PLXNA2: variants seen among roughly 807,000 people sequenced by gnomAD.
PLXNA2 encodes the protein plexin A2.
PLXNA2 carries 91 observed loss-of-function variants against 193.5 expected under a neutral mutation model. That is an observed-to-expected ratio of 0.47 (90% CI 0.40 to 0.56). The LOEUF is 0.56. Among genes scored for constraint, PLXNA2 ranks in the 20% least tolerant of loss-of-function variants. PLXNA2 has a pLI of 0.00. For synonymous variants in PLXNA2, 997 were observed against 1,027.3 expected (o/e 0.97, Z 0.56); for missense variants, 1,995 against 2,503.2 (o/e 0.80, Z 4.33).
At chr1:208,182,648 C>T (rs1342429252) in intron 3 of PLXNA2, among the ~76,000 whole-genome samples, 1 of 151,778 alleles carries the variant, frequency 6.6e-6, no homozygotes, top group Non-Finnish European at 1.5e-5. Context: ...GCGTATTTGC[C>T]ATCACTCTGC....
intron 12 of PLXNA2, among the ~76,000 whole-genome samples, chr1:208,064,021 A>C (rs142755915): frequency 1.3e-5 from 2 of 152,096 alleles, no homozygotes; most frequent in African/African-American, 4.8e-5. Context: ...CCCACCCCCA[A>C]GCCAATTACC....
intron 10 of PLXNA2, 23 bp downstream of exon 10, chr1:208,084,356 AG>A: frequency 6.2e-7 from 1 of 1,612,266 alleles, no homozygotes. Flanking sequence ...TGCTCCAGGC[AG>A]GGCCCAGCCT....
At chr1:208,060,346 C>T (rs936582010) in intron 13 of PLXNA2, among the ~76,000 whole-genome samples, 3 of 152,194 alleles carry the variant, frequency 2.0e-5, no homozygotes, top group African/African-American at 7.2e-5. Flanking sequence ...GCCCACCATA[C>T]AGGATGCATT....
At chr1:208,037,262 A>G (rs1332141990) in intron 26 of PLXNA2, among the ~76,000 whole-genome samples, 2 of 152,024 alleles carry the variant, frequency 1.3e-5, no homozygotes, top group African/African-American at 2.4e-5. Context: ...ATTACACCAC[A>G]CTCATGTCCT....
chr1:208,105,475 C>T lies in PLXNA2; in HGVS notation c.1507-2228G>A, dbSNP rs111386992. Among the ~76,000 whole-genome samples the T allele has an allele frequency of 1.7e-3, 266 of 152,332 alleles. 3 individuals carry two copies. The highest frequency in any genetic ancestry group is 3.4e-3 in the Middle Eastern group (1 of 294). On this transcript the variant is annotated intron_variant, in intron 4 of 31. Coordinates refer to ENST00000367033, the MANE Select transcript of PLXNA2 (RefSeq NM_025179.4). ...ATTCTGACATTCCAGCCTTCTATTT[C>T]CCACAGTTTCCCTAACTCCTCCTTG...
At chr1:208,227,638 AC>A (rs1671552928) in intron 1 of PLXNA2, among the ~76,000 whole-genome samples, 1 of 152,144 alleles carries the variant, frequency 6.6e-6, no homozygotes, top group African/African-American at 2.4e-5. Context: ...TATTTTGGTA[AC>A]CAGGCAGTGC....
rs777668638 is a variant in PLXNA2 at position 208,043,208 on chromosome 1, G to A, written c.3875-5C>T. On this transcript the variant is annotated splice_polypyrimidine_tract_variant and splice_region_variant and intron_variant, in intron 20 of 31. Coordinates refer to ENST00000367033, the MANE Select transcript of PLXNA2 (RefSeq NM_025179.4). ...CCGTCTGGAGCTCAGCAAAAGCTAT[G>A]AGAATAAGCAGACGGAGAGGCTCGT... is the stretch of plus-strand genomic sequence containing the variant. 2 of 1,612,158 alleles carry A rather than the reference G, an allele frequency of 1.2e-6. No individual in the cohort carries two copies. Among genetic ancestry groups the A allele is most frequent in the Non-Finnish European group, 1.7e-6 (2 of 1,178,608 alleles).
chr1:208,178,635 G>A (rs1006703884), intron 3 of PLXNA2, among the ~76,000 whole-genome samples: 24 of 152,148 alleles, frequency 1.6e-4, no homozygotes, highest in African/African-American at 5.1e-4. Flanking sequence ...CTCCTTGTTG[G>A]GAACCCAATT....
At chr1:208,239,198 T>C (rs1168335873) in intron 1 of PLXNA2, among the ~76,000 whole-genome samples, 2 of 151,044 alleles carry the variant, frequency 1.3e-5, no homozygotes, top group East Asian at 3.9e-4. Flanking sequence ...GGGCCAAGCC[T>C]GGCTTTCAAG....
At chr1:208,088,652 G>C (rs951392395) in intron 9 of PLXNA2, among the ~76,000 whole-genome samples, 1 of 152,228 alleles carries the variant, frequency 6.6e-6, no homozygotes, top group African/African-American at 2.4e-5. Flanking sequence ...CTGAGTGCTG[G>C]AAAGGTCTGA....
At chr1:208,112,416 C>T (rs551629516) in intron 4 of PLXNA2, among the ~76,000 whole-genome samples, 2 of 152,196 alleles carry the variant, frequency 1.3e-5, no homozygotes, top group African/African-American at 2.4e-5. Flanking sequence ...CTTTCTTGAG[C>T]TTTAGTTTCC....
At chr1:208,147,343 T>C (rs1168862333) in intron 3 of PLXNA2, among the ~76,000 whole-genome samples, 1 of 152,172 alleles carries the variant, frequency 6.6e-6, no homozygotes, top group African/African-American at 2.4e-5. Context: ...CATGAGGACA[T>C]TTAGTCTAGC....
chr1:208,203,073 GC>G (rs1331614341), intron 3 of PLXNA2, among the ~76,000 whole-genome samples: 1 of 152,220 alleles, frequency 6.6e-6, no homozygotes, highest in African/African-American at 2.4e-5. Flanking sequence ...AAGGAGATGT[GC>G]TGGCCAGAGT....
At chr1:208,183,413 C>G (rs976061163) in intron 3 of PLXNA2, among the ~76,000 whole-genome samples, 3 of 152,148 alleles carry the variant, frequency 2.0e-5, no homozygotes, top group African/African-American at 7.2e-5. Context: ...TAGAGGGAGC[C>G]GGAAAGGAGG....
chr1:208,241,674 T>C (rs569364861), intron 1 of PLXNA2, among the ~76,000 whole-genome samples: 54 of 152,342 alleles, frequency 3.5e-4, no homozygotes, highest in African/African-American at 1.2e-3. Context: ...CAAGCCAGTT[T>C]GCCCCCATCC....
At chr1:208,227,162 T>C (rs776350625) in intron 1 of PLXNA2, among the ~76,000 whole-genome samples, 4 of 152,190 alleles carry the variant, frequency 2.6e-5, no homozygotes, top group Non-Finnish European at 4.4e-5. Flanking sequence ...CAAGTCAAGA[T>C]TCATGTTAGG....
chr1:208,062,926 C>A (rs1232358038), intron 12 of PLXNA2, among the ~76,000 whole-genome samples: 3 of 152,188 alleles, frequency 2.0e-5, no homozygotes, highest in Middle Eastern at 3.2e-3. Context: ...GGAAAAGAAC[C>A]CTTGTTAATG....
chr1:208,095,628 TC>T (rs1431790923), intron 8 of PLXNA2, among the ~76,000 whole-genome samples: 1 of 152,186 alleles, frequency 6.6e-6, no homozygotes, highest in Non-Finnish European at 1.5e-5. Flanking sequence ...CGAGTCGCTA[TC>T]TCGGAGTCCC....
chr1:208,079,360 T>C lies in PLXNA2; in HGVS notation c.2486A>G (p.Glu829Gly). The change falls in exon 12 of 32, where the codon GAG becomes GGG. Residue 829 changes from glutamate to glycine, a missense_variant. This residue lies in a region of PLXNA2 where 1,291 missense variants were observed against 1,673.6 expected (regional missense o/e 0.77). Coordinates refer to ENST00000367033, the MANE Select transcript of PLXNA2 (RefSeq NM_025179.4). ...RKFECGWCSG[E>G]RRCTLHQHCT... ...GTGCTGGTGGAGGGTGCACCTGCGC[T>C]CGCCGCTGCACCAGCCACACTCAAA... The C allele has an allele frequency of 6.2e-7, 1 of 1,612,932 alleles. No homozygotes were observed. The highest frequency in any genetic ancestry group is 1.1e-5 in the South Asian group (1 of 90,976).
Sources: allele counts gnomAD v4.1 joint callset (sites outside exome capture counted in the v4.1 genomes callset), GRCh38; gene constraint gnomAD v4.1.1; regional missense constraint gnomAD v4.1.1; transcripts MANE v1.5; gene names NCBI Gene and HGNC (gene_info 2026-07-23, HGNC 2026-07-21).